ALK: variants seen among roughly 807,000 people sequenced by gnomAD.
The protein encoded by ALK is ALK receptor tyrosine kinase.
A neutral mutation model predicts 163.1 loss-of-function variants in ALK; 74 were observed. The ratio of observed to expected loss-of-function variants is 0.45; its 90% CI spans 0.38 to 0.55. The LOEUF is 0.55. ALK is among the 20% of genes least tolerant of loss of function. The pLI, the probability that ALK is intolerant of heterozygous loss-of-function variation, is 0.00. For synonymous variants in ALK, 960 were observed against 843.2 expected, an observed-to-expected ratio of 1.14 and a Z score of -2.40; for missense variants, 2,063 against 2,105.3, an observed-to-expected ratio of 0.98 and a Z score of 0.39.
chr2:29,292,208 A>C (rs186030746), intron 9 of ALK, among the ~76,000 whole-genome samples: 1 of 152,358 alleles, frequency 6.6e-6, no homozygotes, highest in East Asian at 1.9e-4. Flanking sequence ...CAGGTGTGAT[A>C]AGTTGTGTAC....
At chr2:29,241,470 T>G (rs1558634139) in intron 12 of ALK, among the ~76,000 whole-genome samples, 2 of 151,806 alleles carry the variant, frequency 1.3e-5, no homozygotes, top group Admixed American at 1.3e-4. Context: ...CGTCAGGTGC[T>G]TAGGGCCAGG....
intron 1 of ALK, among the ~76,000 whole-genome samples, chr2:29,722,233 G>A (rs1013724415): frequency 1.3e-5 from 2 of 152,220 alleles, no homozygotes; most frequent in African/African-American, 4.8e-5. Context: ...TCATGGCTGA[G>A]TATTATATTT....
intron 3 of ALK, among the ~76,000 whole-genome samples, chr2:29,643,116 G>A (rs1676751531): frequency 6.6e-6 from 1 of 151,980 alleles, no homozygotes; most frequent in Admixed American, 6.6e-5. Context: ...TGGTATGGGG[G>A]AAAGCCAAAG....
intron 2 of ALK, among the ~76,000 whole-genome samples, chr2:29,716,611 A>G (rs1024309695): frequency 1.3e-5 from 2 of 152,156 alleles, no homozygotes; most frequent in African/African-American, 2.4e-5. Flanking sequence ...AGAAAAAATG[A>G]AAGTAGGGGA....
rs181296881 is a variant in ALK, at chr2:29,684,137, G to A, written c.952+10713C>T. ...ATCCCTTCAAGCATAAATTCAGAGT[G>A]GTTCATGACTTTTCTTAAGCAGAGC... On this transcript the variant is annotated intron_variant, in intron 3 of 28. Transcript: ENST00000389048. Among the ~76,000 whole-genome samples, 7 of 152,208 alleles carry A rather than the reference G, an allele frequency of 4.6e-5. No individual in the cohort carries two copies. The East Asian group carries it at 1.4e-3, about 29-fold the overall frequency.
intron 3 of ALK, among the ~76,000 whole-genome samples, chr2:29,592,125 C>A (rs1016655805): frequency 3.9e-5 from 6 of 152,216 alleles, no homozygotes; most frequent in Non-Finnish European, 8.8e-5. Context: ...TGGCAGGACC[C>A]TGAGTCGCCA....
chr2:29,441,308 G>T (rs1268726949), intron 4 of ALK, among the ~76,000 whole-genome samples: 1 of 152,222 alleles, frequency 6.6e-6, no homozygotes, highest in Non-Finnish European at 1.5e-5. Context: ...CACTTTAGGT[G>T]CCTCTGGGGG....
intron 5 of ALK, among the ~76,000 whole-genome samples, chr2:29,341,118 G>C (rs1382131637): frequency 6.6e-6 from 1 of 152,178 alleles, no homozygotes; most frequent in African/African-American, 2.4e-5. Context: ...CAGAAGCAGG[G>C]TTTATGCTTT....
At chr2:29,235,778 G>A (rs558876209) in intron 13 of ALK, among the ~76,000 whole-genome samples, 10 of 146,856 alleles carry the variant, frequency 6.8e-5, no homozygotes, top group South Asian at 4.5e-4. Flanking sequence ...CTGTAGCCAC[G>A]AACTCCTGGG....
chr2:29,717,572 A>G lies in ALK; in HGVS notation c.787+6T>C, dbSNP rs1558457269. The G allele has an allele frequency of 6.2e-7, 1 of 1,613,998 alleles. No homozygotes were observed. The highest frequency in any genetic ancestry group is 1.7e-5 in the Admixed American group (1 of 60,034). ...TATCTCAAGTAAATATTAAACATAT[A>G]CTTACCATATCGGCTGCGATGAGAC... On this transcript the variant is annotated splice_donor_region_variant and intron_variant, in intron 2 of 28. Coordinates refer to ENST00000389048, the MANE Select transcript of ALK (RefSeq NM_004304.5).
chr2:29,381,197 C>T (rs578059221), intron 5 of ALK, among the ~76,000 whole-genome samples: 2 of 152,382 alleles, frequency 1.3e-5, no homozygotes, highest in East Asian at 3.9e-4. Flanking sequence ...GTTTCCCCAT[C>T]TGTAAAATGA....
intron 1 of ALK, among the ~76,000 whole-genome samples, chr2:29,912,546 T>C (rs1475419535): frequency 6.6e-6 from 1 of 152,074 alleles, no homozygotes; most frequent in African/African-American, 2.4e-5. Context: ...AAGACCTCTT[T>C]AGGCTGAAGG....
intron 1 of ALK, among the ~76,000 whole-genome samples, chr2:29,799,803 G>C (rs1664418360): frequency 6.6e-6 from 1 of 152,002 alleles, no homozygotes; most frequent in African/African-American, 2.4e-5. Context: ...TGAGAAAAAG[G>C]CATACTGTAA....
intron 4 of ALK, among the ~76,000 whole-genome samples, chr2:29,529,069 T>G (rs1037449670): frequency 1.3e-5 from 2 of 152,204 alleles, no homozygotes; most frequent in Non-Finnish European, 2.9e-5. Context: ...GCTGCTGTGC[T>G]TCTCCAACTG....
chr2:29,228,231 C>T (rs1346680926), intron 16 of ALK, among the ~76,000 whole-genome samples: 2 of 152,194 alleles, frequency 1.3e-5, no homozygotes, highest in African/African-American at 4.8e-5. Flanking sequence ...TTACACACAG[C>T]GTCAATGCAA....
chr2:29,542,655 C>A (rs759559562), intron 3 of ALK, among the ~76,000 whole-genome samples: 8 of 152,240 alleles, frequency 5.3e-5, no homozygotes, highest in Middle Eastern at 3.4e-3. Context: ...TTTGTAATTT[C>A]TTTGTAATTG....
intron 5 of ALK, among the ~76,000 whole-genome samples, chr2:29,375,817 T>C (rs1210294772): frequency 2.0e-5 from 3 of 152,210 alleles, no homozygotes; most frequent in Admixed American, 1.3e-4. Flanking sequence ...GGAACTGCTT[T>C]GGAGGAAGAC....
chr2:29,437,161 A>C (rs577639365), intron 4 of ALK, among the ~76,000 whole-genome samples: 1 of 152,262 alleles, frequency 6.6e-6, no homozygotes, highest in East Asian at 1.9e-4. Flanking sequence ...GGACATGTGA[A>C]CACTCTACAG....
intron 1 of ALK, among the ~76,000 whole-genome samples, chr2:29,762,753 G>T (rs1257245975): frequency 6.6e-6 from 1 of 152,180 alleles, no homozygotes; most frequent in East Asian, 1.9e-4. Context: ...GAGACTTTAA[G>T]TCCCTTTCTA....
Sources: allele counts gnomAD v4.1 joint callset (sites outside exome capture counted in the v4.1 genomes callset), GRCh38; gene constraint gnomAD v4.1.1; transcripts MANE v1.5; gene names NCBI Gene and HGNC (gene_info 2026-07-23, HGNC 2026-07-21).